The following NETO1 variants were observed in gnomAD, a reference collection of about 807,000 sequenced individuals.
NETO1 encodes neuropilin and tolloid-like protein 1.
NETO1 carries 26 observed loss-of-function variants against 61.3 expected under a neutral mutation model. The ratio of observed to expected loss-of-function variants is 0.42; its 90% CI spans 0.31 to 0.59. The LOEUF (loss-of-function observed/expected upper bound fraction) is 0.59. Among genes scored for constraint, NETO1 ranks in the 20% least tolerant of loss-of-function variants. The pLI, the probability that NETO1 is intolerant of heterozygous loss-of-function variation, is 0.12. For missense variants in NETO1, 531 were observed against 662.8 expected (o/e 0.80, Z 2.18); for synonymous variants, 225 against 225.8 (o/e 1.00, Z 0.03).
intron 4 of NETO1, among the ~76,000 whole-genome samples, chr18:72,827,072 A>G (rs2145353359): frequency 7.0e-6 from 1 of 142,318 alleles, no homozygotes; most frequent in Non-Finnish European, 1.5e-5. Context: ...AGAACCGCCC[A>G]GCCATATTCA....
intron 4 of NETO1, among the ~76,000 whole-genome samples, chr18:72,799,510 G>C (rs867332916): frequency 6.6e-6 from 1 of 152,234 alleles, no homozygotes; most frequent in Non-Finnish European, 1.5e-5. Context: ...TGGCTGCCAT[G>C]ACTGGACGGC....
Position 72,867,322 on chromosome 18 carries a change from C to T in NETO1, c.-31G>A, listed in dbSNP as rs2074771894. ...TGCGTTACACCAGAGGCTCCGGGCT[C>T]CACTAATTCCATTTAGAGACGGGAA... On this transcript the variant is annotated 5_prime_UTR_variant, in exon 1 of 11. Coordinates refer to ENST00000327305, the MANE Select transcript of NETO1 (RefSeq NM_138966.5). 8 of 1,551,674 alleles carry T rather than the reference C, an allele frequency of 5.2e-6. No homozygotes were observed. Among genetic ancestry groups the T allele is most frequent in the Non-Finnish European group, 5.2e-6 (6 of 1,148,088 alleles).
intron 4 of NETO1, among the ~76,000 whole-genome samples, chr18:72,803,009 T>C (rs1004449179): frequency 1.3e-4 from 20 of 152,220 alleles, no homozygotes; most frequent in African/African-American, 3.9e-4. Context: ...TTACTCATTT[T>C]TCTCATGGAG....
chr18:72,840,175 T>C (rs537771976), intron 4 of NETO1, among the ~76,000 whole-genome samples: 14 of 152,272 alleles, frequency 9.2e-5, no homozygotes, highest in Middle Eastern at 3.4e-3. Flanking sequence ...TCAGTAAGGA[T>C]TGGTTGACAG....
intron 4 of NETO1, among the ~76,000 whole-genome samples, chr18:72,854,318 A>T (rs933354888): frequency 2.9e-4 from 44 of 152,328 alleles, no homozygotes; most frequent in African/African-American, 1.0e-3. Context: ...TGGTACTTTG[A>T]GGTCTATTCC....
chr18:72,811,990 A>G (rs768743534), intron 4 of NETO1, among the ~76,000 whole-genome samples: 3 of 152,162 alleles, frequency 2.0e-5, no homozygotes, highest in Admixed American at 6.5e-5. Context: ...GAGCACACAA[A>G]TATCATTAAG....
intron 4 of NETO1, among the ~76,000 whole-genome samples, chr18:72,796,425 TAATAAATTTTGAAACAAGTTA>T (rs2072312514): frequency 6.6e-6 from 1 of 152,234 alleles, no homozygotes; most frequent in South Asian, 2.1e-4. Context: ...TAGAAAGTGT[TAATAAATTTTGAAACAAGTTA>T]CAGATGCCTT....
In NETO1 at chr18:72,809,972, G is replaced by C. The variant is rs141182517; in HGVS notation, c.470-15568C>G. ...ATTTAGCTCGAAAATAATACCTTCAGTGTAAATAATGGTAAAACCAAGCTA... is the reference window on the plus strand; with the variant it reads ...ATTTAGCTCGAAAATAATACCTTCACTGTAAATAATGGTAAAACCAAGCTA... On this transcript the variant is annotated intron_variant, in intron 4 of 10. Transcript: ENST00000327305. Among the ~76,000 whole-genome samples, 379 of 152,256 alleles carry C rather than the reference G, an allele frequency of 2.5e-3. 2 individuals are homozygous for C. Among genetic ancestry groups the C allele is most frequent in the African/African-American group, 8.6e-3 (358 of 41,538 alleles).
At chr18:72,859,903 G>C (rs2074517446) in intron 3 of NETO1, among the ~76,000 whole-genome samples, 1 of 146,994 alleles carries the variant, frequency 6.8e-6, no homozygotes, top group Non-Finnish European at 1.5e-5. Flanking sequence ...TCAGAGCTTA[G>C]CATAGTATTT....
rs543702768 is a variant in NETO1, at chr18:72,750,030, T to C, written c.1541+32A>G. The C allele has an allele frequency of 4.3e-5, 63 of 1,464,888 alleles. No individual in the cohort carries two copies. The South Asian group carries it at 4.6e-4, about 11-fold the overall frequency. 90.7% of individuals were successfully genotyped at this position (1,464,888 alleles called of 1,614,324 possible). A position where few individuals can be genotyped will look rare whatever the true frequency, so the allele number is the denominator to read the frequency against. The stretch of plus-strand genomic sequence containing the variant: ...TGGAAGTATTTCAGTCTTCAGGTTA[T>C]AGTTGTCATCAAAAAATCTATTGAT... On this transcript the variant is annotated intron_variant, in intron 9 of 10. Transcript: ENST00000327305.
rs1034738957 is a variant in NETO1, at chr18:72,858,724, C to G, written c.469+102G>C. On this transcript the variant is annotated intron_variant, in intron 4 of 10. Transcript: ENST00000327305. ...GATTTGGTTTTAAATAGAACTGGAACATTCTCTGAGAAAGTATAATGTTGT... is the reference window on the plus strand; with the variant it reads ...GATTTGGTTTTAAATAGAACTGGAAGATTCTCTGAGAAAGTATAATGTTGT... 3.4e-6 allele frequency: 4 copies of G among 1,167,640 alleles called. No individual in the cohort carries two copies. In the African/African-American group the frequency reaches 6.2e-5, roughly 18 times the overall value. 72.3% of individuals were successfully genotyped at this position (1,167,640 alleles called of 1,614,324 possible).
intron 4 of NETO1, among the ~76,000 whole-genome samples, chr18:72,846,655 CT>C (rs1158002244): frequency 2.7e-5 from 4 of 150,424 alleles, no homozygotes; most frequent in Admixed American, 6.8e-5. Context: ...TTTTTATAAT[CT>C]TTTTTTATTT....
chr18:72,796,521 G>C (rs985580956), intron 4 of NETO1, among the ~76,000 whole-genome samples: 1 of 151,886 alleles, frequency 6.6e-6, no homozygotes, highest in Non-Finnish European at 1.5e-5. Context: ...TGGCTCTGTC[G>C]CCCAGGCTGG....
At chr18:72,769,097 A>G (rs2145167272) in intron 7 of NETO1, among the ~76,000 whole-genome samples, 2 of 152,318 alleles carry the variant, frequency 1.3e-5, no homozygotes, top group East Asian at 3.9e-4. Context: ...GGAGAGTGGC[A>G]GTTTCCAGCC....
intron 6 of NETO1, among the ~76,000 whole-genome samples, chr18:72,785,497 T>G (rs1598991327): frequency 1.3e-5 from 2 of 152,202 alleles, no homozygotes; most frequent in African/African-American, 4.8e-5. Context: ...ACTAGTTTAC[T>G]CCAGCCAAAG....
At chr18:72,772,253 C>A (rs2071376440) in intron 7 of NETO1, among the ~76,000 whole-genome samples, 1 of 152,100 alleles carries the variant, frequency 6.6e-6, no homozygotes, top group African/African-American at 2.4e-5. Flanking sequence ...ACCATTAGAT[C>A]TTTATTTAGC....
intron 4 of NETO1, among the ~76,000 whole-genome samples, chr18:72,796,466 G>A (rs1599017156): frequency 6.6e-6 from 1 of 152,270 alleles, no homozygotes; most frequent in East Asian, 1.9e-4. Flanking sequence ...TTGCAAAGCT[G>A]TTTTTAAAAT....
At chr18:72,842,636 T>G (rs2073970341) in intron 4 of NETO1, among the ~76,000 whole-genome samples, 1 of 152,078 alleles carries the variant, frequency 6.6e-6, no homozygotes, top group South Asian at 2.1e-4. Flanking sequence ...ATTGAACAAA[T>G]TGGTGTCTTT....
intron 4 of NETO1, among the ~76,000 whole-genome samples, chr18:72,806,168 G>T (rs1194470115): frequency 6.6e-6 from 1 of 152,090 alleles, no homozygotes; most frequent in African/African-American, 2.4e-5. Context: ...TCATATTTGG[G>T]TTCAAGCAAG....
Sources: allele counts gnomAD v4.1 joint callset (sites outside exome capture counted in the v4.1 genomes callset), GRCh38; gene constraint gnomAD v4.1.1; transcripts MANE v1.5; gene names NCBI Gene and HGNC (gene_info 2026-07-23, HGNC 2026-07-21).